LRP1B: variants seen among roughly 807,000 people sequenced by gnomAD.
LRP1B encodes low-density lipoprotein receptor-related protein 1B.
LRP1B carries 217 observed loss-of-function variants against 556.6 expected under a neutral mutation model. The ratio of observed to expected loss-of-function variants is 0.39; its 90% CI spans 0.35 to 0.44. The LOEUF (loss-of-function observed/expected upper bound fraction) is 0.44, where lower values mean the gene tolerates loss of function less well. Among genes scored for constraint, LRP1B ranks in the 20% least tolerant of loss-of-function variants. The pLI, the probability that LRP1B is intolerant of heterozygous loss-of-function variation, is 1.00. For synonymous variants in LRP1B, 2,047 were observed against 1,865.8 expected (o/e 1.10, Z -2.50); for missense variants, 5,053 against 5,620.8 (o/e 0.90, Z 3.23).
At chr2:141,162,986 A>G (rs1433370061) in intron 7 of LRP1B, among the ~76,000 whole-genome samples, 1 of 152,098 alleles carries the variant, frequency 6.6e-6, no homozygotes, top group East Asian at 1.9e-4. Context: ...GCACTTCTCA[A>G]CCAATGGAGG....
chr2:141,626,571 A>G lies in LRP1B; in HGVS notation c.206-146038T>C, dbSNP rs910355795. The stretch of plus-strand genomic sequence containing the variant: ...CGAAAGACATATCTGCTAAAGGACT[A>G]TTTTACAAAATATACAAAAAACTCT... On this transcript the variant is annotated intron_variant, in intron 2 of 90. Coordinates refer to ENST00000389484, the MANE Select transcript of LRP1B (RefSeq NM_018557.3). Among the ~76,000 whole-genome samples, 5 of 152,294 alleles carry G rather than the reference A, an allele frequency of 3.3e-5. No individual in the cohort carries two copies. In the East Asian group the frequency reaches 7.7e-4, roughly 23 times the overall value.
At chr2:141,361,799 AC>A (rs1343154495) in intron 3 of LRP1B, among the ~76,000 whole-genome samples, 1 of 152,144 alleles carries the variant, frequency 6.6e-6, no homozygotes, top group Admixed American at 6.5e-5. Flanking sequence ...GTCTTTCCAG[AC>A]CCTTGTTAAA....
chr2:141,367,344 A>C (rs1057240674), intron 3 of LRP1B, among the ~76,000 whole-genome samples: 1 of 152,074 alleles, frequency 6.6e-6, no homozygotes, highest in Non-Finnish European at 1.5e-5. Flanking sequence ...TAAGAACTTA[A>C]ATTAGACACA....
intron 1 of LRP1B, among the ~76,000 whole-genome samples, chr2:141,961,091 C>T (rs183275136): frequency 6.6e-6 from 1 of 151,462 alleles, no homozygotes; most frequent in Non-Finnish European, 1.5e-5. Context: ...CAAAATGCAG[C>T]ATTTGAAGTA....
chr2:141,142,920 A>C (rs977458996), intron 7 of LRP1B, among the ~76,000 whole-genome samples: 2 of 90,716 alleles, frequency 2.2e-5, no homozygotes, highest in Non-Finnish European at 4.2e-5. Context: ...TTGTCTGATT[A>C]CTTTTTTTTT....
intron 7 of LRP1B, among the ~76,000 whole-genome samples, chr2:141,148,990 G>A (rs1459659504): frequency 6.6e-6 from 1 of 152,110 alleles, no homozygotes; most frequent in Non-Finnish European, 1.5e-5. Context: ...TCGGGAGGCT[G>A]AGGCAGGAAG....
chr2:142,042,352 G>A (rs750155617), intron 1 of LRP1B, among the ~76,000 whole-genome samples: 9 of 151,518 alleles, frequency 5.9e-5, no homozygotes, highest in East Asian at 3.9e-4. Context: ...GTTTGTGTTC[G>A]TTGGTGAAGG....
At chr2:140,515,817 G>T (rs1689871425) in intron 50 of LRP1B, among the ~76,000 whole-genome samples, 3 of 151,994 alleles carry the variant, frequency 2.0e-5, no homozygotes, top group Non-Finnish European at 4.4e-5. Flanking sequence ...AAAATAAAAT[G>T]CACCTTCACA....
chr2:141,061,275 T>G (rs1331987202), intron 8 of LRP1B, among the ~76,000 whole-genome samples: 2 of 151,760 alleles, frequency 1.3e-5, no homozygotes, highest in Non-Finnish European at 2.9e-5. Flanking sequence ...AAAGTAAAAG[T>G]AACTTTAGAG....
intron 66 of LRP1B, among the ~76,000 whole-genome samples, chr2:140,432,203 C>T (rs1230420938): frequency 1.3e-5 from 2 of 152,104 alleles, no homozygotes; most frequent in Non-Finnish European, 2.9e-5. Flanking sequence ...ACCTTGTGAC[C>T]CCCACATCTG....
intron 2 of LRP1B, among the ~76,000 whole-genome samples, chr2:141,544,385 C>T (rs1363435981): frequency 6.3e-4 from 46 of 72,782 alleles, no homozygotes; most frequent in Middle Eastern, 7.5e-3. Context: ...TCTTCTTCTC[C>T]TCCTCCTCCT....
intron 66 of LRP1B, among the ~76,000 whole-genome samples, chr2:140,439,130 T>C (rs964188011): frequency 6.6e-6 from 1 of 152,196 alleles, no homozygotes; most frequent in Non-Finnish European, 1.5e-5. Flanking sequence ...AATTCTTAAA[T>C]ATTCTATTAG....
chr2:141,441,954 T>C (rs1228025525), intron 3 of LRP1B, among the ~76,000 whole-genome samples: 1 of 152,198 alleles, frequency 6.6e-6, no homozygotes, highest in Non-Finnish European at 1.5e-5. Context: ...TAAGTAAAAA[T>C]GATAGTGTCA....
intron 9 of LRP1B, among the ~76,000 whole-genome samples, chr2:141,056,275 T>C (rs1235556227): frequency 6.6e-6 from 1 of 151,876 alleles, no homozygotes; most frequent in Non-Finnish European, 1.5e-5. Context: ...AATCAACAAC[T>C]CTCCACTTTC....
intron 3 of LRP1B, among the ~76,000 whole-genome samples, chr2:141,440,234 C>T (rs897725067): frequency 1.3e-5 from 2 of 152,194 alleles, no homozygotes; most frequent in Admixed American, 1.3e-4. Flanking sequence ...CAGCCCGGCC[C>T]TCCTGCTCCA....
At chr2:140,292,002 C>T (rs544804383) in intron 84 of LRP1B, among the ~76,000 whole-genome samples, 2 of 152,248 alleles carry the variant, frequency 1.3e-5, no homozygotes, top group South Asian at 2.1e-4. Flanking sequence ...GATCACCCTT[C>T]TAAGTGGTGT....
In LRP1B at chr2:140,356,349, T is replaced by A; in HGVS notation, c.11523A>T (p.Gln3841His). The change falls in exon 75 of 91, where the codon CAA (glutamine) becomes CAT (histidine). Residue 3841 changes from glutamine to histidine, a missense_variant. Physicochemically the swap from Gln to His is conservative, Grantham distance 24. This residue lies in a region of LRP1B where 599 missense variants were observed against 648.4 expected (regional missense o/e 0.92). Coordinates refer to ENST00000389484, the MANE Select transcript of LRP1B (RefSeq NM_018557.3). ...TGAAGAAAAGTACTCTACCTTCACA[T>A]TGTCTGTTTTTCATGTTTCTCTGAA... is the stretch of plus-strand genomic sequence containing the variant. ...PGFQRNMKNR[Q>H]CEDLNECLVF... 1 of 1,610,648 alleles carries A rather than the reference T, an allele frequency of 6.2e-7. No homozygotes were observed. The highest frequency in any genetic ancestry group is 8.5e-7 in the Non-Finnish European group (1 of 1,177,718).
At chr2:141,776,223 G>A (rs976169931) in intron 2 of LRP1B, among the ~76,000 whole-genome samples, 6 of 119,550 alleles carry the variant, frequency 5.0e-5, no homozygotes, top group African/African-American at 1.0e-4. Context: ...CTCAGGTAAC[G>A]AAAGTGTTAA....
chr2:142,067,383 A>G (rs1705146809), intron 1 of LRP1B, among the ~76,000 whole-genome samples: 1 of 151,590 alleles, frequency 6.6e-6, no homozygotes, highest in Admixed American at 6.6e-5. Flanking sequence ...TCCATGTTGT[A>G]CAGGCTAGGA....
Sources: allele counts gnomAD v4.1 joint callset (sites outside exome capture counted in the v4.1 genomes callset), GRCh38; gene constraint gnomAD v4.1.1; regional missense constraint gnomAD v4.1.1; transcripts MANE v1.5; gene names NCBI Gene and HGNC (gene_info 2026-07-23, HGNC 2026-07-21).